Variants in DPP10 observed in about 807,000 individuals in gnomAD.
DPP10 encodes the protein dipeptidyl peptidase like 10, also known as inactive dipeptidyl peptidase 10.
A neutral mutation model predicts 120.9 loss-of-function variants in DPP10; 33 were observed. That is an observed-to-expected ratio of 0.27 (90% CI 0.21 to 0.37). The LOEUF (loss-of-function observed/expected upper bound fraction) is 0.37, where lower values mean the gene tolerates loss of function less well. DPP10 is among the 10% of genes least tolerant of loss of function. The pLI, the probability that DPP10 is intolerant of heterozygous loss-of-function variation, is 1.00. For missense variants in DPP10, 816 were observed against 942.8 expected, an observed-to-expected ratio of 0.87 and a Z score of 1.76; for synonymous variants, 337 against 326.1, an observed-to-expected ratio of 1.03 and a Z score of -0.36.
intron 5 of DPP10, among the ~76,000 whole-genome samples, chr2:115,651,220 G>A (rs1425678155): frequency 6.6e-6 from 1 of 151,918 alleles, no homozygotes; most frequent in East Asian, 1.9e-4. Context: ...TTAAAAGCGA[G>A]AGAACAAACA....
At chr2:114,509,841 T>C (rs1011310387) in intron 1 of DPP10, among the ~76,000 whole-genome samples, 1 of 152,248 alleles carries the variant, frequency 6.6e-6, no homozygotes, top group African/African-American at 2.4e-5. Context: ...CTATATTTCA[T>C]GTAAGTAAAG....
At chr2:115,410,843 T>G (rs550805163) in intron 3 of DPP10, among the ~76,000 whole-genome samples, 28 of 152,182 alleles carry the variant, frequency 1.8e-4, no homozygotes, top group Non-Finnish European at 3.8e-4. Flanking sequence ...CACATAATTC[T>G]TATAGTAATT....
intron 1 of DPP10, among the ~76,000 whole-genome samples, chr2:115,151,299 CTCTT>C (rs1245642677): frequency 1.3e-5 from 2 of 151,848 alleles, no homozygotes; most frequent in Non-Finnish European, 2.9e-5. Context: ...TCTTTTTTTC[CTCTT>C]TCTTAATTTT....
chr2:115,335,089 C>T (rs943340258), intron 2 of DPP10, among the ~76,000 whole-genome samples: 2 of 151,746 alleles, frequency 1.3e-5, no homozygotes, highest in African/African-American at 2.4e-5. Context: ...TCACATCTTA[C>T]GGGGATGGCA....
At chr2:115,141,796 T>TG (rs762064222) in intron 1 of DPP10, among the ~76,000 whole-genome samples, 3 of 152,210 alleles carry the variant, frequency 2.0e-5, no homozygotes, top group South Asian at 2.1e-4. Context: ...CTGTTTGAGA[T>TG]GGAGTCTCGC....
intron 1 of DPP10, among the ~76,000 whole-genome samples, chr2:114,693,217 A>C (rs1319232181): frequency 1.3e-5 from 2 of 151,646 alleles, no homozygotes; most frequent in Non-Finnish European, 1.5e-5. Flanking sequence ...GGCTGGTAAC[A>C]ATTTTTTCTT....
chr2:115,415,628 G>T (rs1327205162), intron 3 of DPP10, among the ~76,000 whole-genome samples: 1 of 151,880 alleles, frequency 6.6e-6, no homozygotes, highest in South Asian at 2.1e-4. Context: ...ATCAACTGCA[G>T]TTCTCAAATA....
chr2:115,001,817 C>T (rs964441971), intron 1 of DPP10, among the ~76,000 whole-genome samples: 1 of 152,166 alleles, frequency 6.6e-6, no homozygotes, highest in Admixed American at 6.5e-5. Context: ...AGGAATACAG[C>T]TAACCAGGGA....
At position 115,455,311 on chromosome 2, in the gene DPP10, G is replaced by A. The variant is rs928905486; in HGVS notation, c.272-44199G>A. ...TTTTGGAGGTAGAAATTGATGAGCTGGTTTAGAAATTTATGTGAAAATGTT... is the reference window on the plus strand; with the variant it reads ...TTTTGGAGGTAGAAATTGATGAGCTAGTTTAGAAATTTATGTGAAAATGTT... On this transcript the variant is annotated intron_variant, in intron 3 of 25. Transcript: ENST00000410059. Among the ~76,000 whole-genome samples, 4 of 151,612 alleles carry A rather than the reference G, an allele frequency of 2.6e-5. No homozygotes were observed. In the South Asian group the frequency reaches 8.3e-4, roughly 32 times the overall value.
At chr2:114,767,506 T>C (rs1486251189) in intron 1 of DPP10, among the ~76,000 whole-genome samples, 2 of 151,972 alleles carry the variant, frequency 1.3e-5, no homozygotes, top group Non-Finnish European at 2.9e-5. Context: ...GTAGACATGT[T>C]ATAGAAAAAG....
chr2:114,546,802 C>CCTCGTTTT (rs1205227957), intron 1 of DPP10, among the ~76,000 whole-genome samples: 1 of 152,164 alleles, frequency 6.6e-6, no homozygotes, highest in African/African-American at 2.4e-5. Context: ...CCTGGCATAA[C>CCTCGTTTT]CTCGTTTTCT....
At chr2:115,018,672 G>A (rs114625639) in intron 1 of DPP10, among the ~76,000 whole-genome samples, 1,849 of 152,082 alleles carry the variant, frequency 0.012, 20 homozygotes, top group Non-Finnish European at 0.021. Context: ...AAGAACACAC[G>A]GACACAGGGA....
At chr2:115,019,070 T>C in intron 1 of DPP10, among the ~76,000 whole-genome samples, 1 of 151,142 alleles carries the variant, frequency 6.6e-6, no homozygotes, top group Non-Finnish European at 1.5e-5. Flanking sequence ...CCCCCACCAT[T>C]CTCGCACCCC....
intron 5 of DPP10, among the ~76,000 whole-genome samples, chr2:115,643,999 G>A (rs972802666): frequency 1.3e-5 from 2 of 151,940 alleles, no homozygotes; most frequent in African/African-American, 2.4e-5. Context: ...GGCTCCATTA[G>A]CACCTGACTG....
chr2:115,297,600 T>C (rs2060943387), intron 1 of DPP10, among the ~76,000 whole-genome samples: 1 of 152,052 alleles, frequency 6.6e-6, no homozygotes, highest in African/African-American at 2.4e-5. Flanking sequence ...AGAACTTAGC[T>C]TGGCATTGAA....
intron 5 of DPP10, among the ~76,000 whole-genome samples, chr2:115,526,919 A>G (rs767291808): frequency 6.6e-6 from 1 of 152,138 alleles, no homozygotes; most frequent in Non-Finnish European, 1.5e-5. Context: ...CTCTTTTCCT[A>G]GTATAGATGT....
intron 5 of DPP10, among the ~76,000 whole-genome samples, chr2:115,642,984 A>T (rs2086909470): frequency 6.6e-6 from 1 of 152,140 alleles, no homozygotes; most frequent in African/African-American, 2.4e-5. Flanking sequence ...ATCATTTCTG[A>T]TAGATTACTT....
intron 3 of DPP10, among the ~76,000 whole-genome samples, chr2:115,446,391 T>C (rs1471962620): frequency 2.0e-5 from 3 of 152,172 alleles, no homozygotes; most frequent in Non-Finnish European, 4.4e-5. Flanking sequence ...AGAGGGCCAC[T>C]GTCCTCCAGA....
intron 1 of DPP10, among the ~76,000 whole-genome samples, chr2:115,264,300 C>T (rs2059372938): frequency 1.3e-5 from 2 of 152,022 alleles, no homozygotes; most frequent in African/African-American, 2.4e-5. Flanking sequence ...CACTGAAATT[C>T]CTGTATGTTG....
Sources: allele counts gnomAD v4.1 joint callset (sites outside exome capture counted in the v4.1 genomes callset), GRCh38; gene constraint gnomAD v4.1.1; transcripts MANE v1.5; gene names NCBI Gene and HGNC (gene_info 2026-07-23, HGNC 2026-07-21).